Variants in ATF7 observed in about 807,000 individuals in gnomAD.
ATF7 encodes the protein activating transcription factor 7.
Under a neutral mutation model 50.4 loss-of-function variants are expected in ATF7, and 10 were observed. The observed-to-expected ratio is 0.20, with a 90% CI of 0.12 to 0.34. ATF7 has a LOEUF of 0.34. ATF7 is among the 10% of genes least tolerant of loss of function. The pLI, the probability that ATF7 is intolerant of heterozygous loss-of-function variation, is 1.00. For missense variants in ATF7, 465 were observed against 613.9 expected, an observed-to-expected ratio of 0.76 and a Z score of 2.56; for synonymous variants, 201 against 226.4, an observed-to-expected ratio of 0.89 and a Z score of 1.01.
chr12:53,551,192 C>CT (rs1215183036), intron 3 of ATF7, among the ~76,000 whole-genome samples: 2 of 152,172 alleles, frequency 1.3e-5, no homozygotes, highest in East Asian at 3.8e-4. Context: ...CAGGGTCTTG[C>CT]TTTGTAGTCT....
chr12:53,577,849 T>A (rs1169746033), intron 2 of ATF7, among the ~76,000 whole-genome samples: 1 of 150,106 alleles, frequency 6.7e-6, no homozygotes, highest in Non-Finnish European at 1.5e-5. Context: ...ATAAGAACAA[T>A]AAGCAGGCTA....
Position 53,618,714 on chromosome 12 carries a change from TG to T in ATF7, c.-22+7564del, listed in dbSNP as rs545048576. 1.0e-3 allele frequency among the ~76,000 whole-genome samples: 156 copies of T among 152,244 alleles called. 1 individual carries two copies. Among genetic ancestry groups the T allele is most frequent in the African/African-American group, 3.6e-3 (149 of 41,552 alleles). On this transcript the variant is annotated intron_variant, in intron 1 of 11. Transcript: ENST00000420353. Reference sequence around the variant, plus strand: ...ATTATAAATGGCAATTGTGTGTGTGTGTGTGTGTTTATAGTTGGTATAGGTT... The same window carrying T: ...ATTATAAATGGCAATTGTGTGTGTGTTGTGTGTTTATAGTTGGTATAGGTT...
intron 9 of ATF7, among the ~76,000 whole-genome samples, chr12:53,527,210 G>A (rs975207434): frequency 3.9e-5 from 6 of 151,914 alleles, no homozygotes; most frequent in Admixed American, 2.6e-4. Flanking sequence ...GAGGCCAGGC[G>A]CAGTGGCTTA....
At chr12:53,536,566 C>T (rs569750851) in intron 5 of ATF7, among the ~76,000 whole-genome samples, 2 of 151,586 alleles carry the variant, frequency 1.3e-5, no homozygotes, top group East Asian at 2.0e-4. Flanking sequence ...CATGAGCCAC[C>T]GTGCCTGACT....
At chr12:53,616,122 T>C (rs1565603757) in intron 1 of ATF7, among the ~76,000 whole-genome samples, 1 of 151,848 alleles carries the variant, frequency 6.6e-6, no homozygotes, top group Non-Finnish European at 1.5e-5. Context: ...GCAAGCTGGG[T>C]TTTGTGAGAA....
chr12:53,626,165 C>T, intron 1 of ATF7, 114 bp downstream of exon 1: 1 of 153,242 alleles, frequency 6.5e-6, no homozygotes, highest in Middle Eastern at 3.4e-3. Context: ...GCCTCAGCGC[C>T]CCCGTCCAAC....
chr12:53,560,253 C>G (rs904914644), intron 2 of ATF7, among the ~76,000 whole-genome samples: 18 of 151,804 alleles, frequency 1.2e-4, no homozygotes, highest in African/African-American at 4.1e-4. Context: ...TCAAGAGAGA[C>G]AGGTATTATA....
At chr12:53,530,275 T>C (rs985863330) in intron 9 of ATF7, among the ~76,000 whole-genome samples, 4 of 152,136 alleles carry the variant, frequency 2.6e-5, no homozygotes, top group African/African-American at 7.2e-5. Context: ...CATGAAATGT[T>C]TGGACATGTG....
At chr12:53,614,515 G>A (rs1409724554) in intron 1 of ATF7, among the ~76,000 whole-genome samples, 1 of 152,124 alleles carries the variant, frequency 6.6e-6, no homozygotes, top group African/African-American at 2.4e-5. Context: ...TAAACAGGCT[G>A]CAAAGAACAA....
At chr12:53,577,417 A>T (rs1473086293) in intron 2 of ATF7, among the ~76,000 whole-genome samples, 7 of 150,868 alleles carry the variant, frequency 4.6e-5, no homozygotes, top group Non-Finnish European at 8.8e-5. Flanking sequence ...ATAATAGGAG[A>T]AAGAAAGAAA....
chr12:53,577,043 G>A (rs901682521), intron 2 of ATF7, among the ~76,000 whole-genome samples: 3 of 152,164 alleles, frequency 2.0e-5, no homozygotes, highest in Non-Finnish European at 4.4e-5. Flanking sequence ...GTGACCAAGA[G>A]AGAATCTGTC....
chr12:53,541,536 C>T (rs1184862149), intron 4 of ATF7, among the ~76,000 whole-genome samples: 4 of 152,130 alleles, frequency 2.6e-5, no homozygotes, highest in Admixed American at 6.5e-5. Flanking sequence ...TATTTCCTCT[C>T]GTCTTCCAAA....
chr12:53,524,731 C>T lies in ATF7; in HGVS notation c.958G>A (p.Gly320Arg). The change falls in exon 10 of 12, where the codon GGG becomes AGG. Residue 320 changes from glycine to arginine, a missense_variant. By Grantham distance (125) the Gly-to-Arg change is moderately radical. Transcript: ENST00000420353. This position sits in a 1 kb window ranked among gnomAD's most constrained non-coding sequence, Gnocchi z 4.6. ...TCTACTGTGCGCCGCCGTCGCCCCC[C>T]AGTACTAGGGGTGGGCTGAGCTGGT... ...VSPAQPTPSTGGRRRRTVDED... is the reference protein window; with the variant it reads ...VSPAQPTPSTRGRRRRTVDED... The T allele has an allele frequency of 6.2e-7, 1 of 1,611,278 alleles. No homozygotes were observed. The highest frequency in any genetic ancestry group is 2.2e-5 in the East Asian group (1 of 44,844).
chr12:53,556,104 C>T (rs961819715), intron 2 of ATF7, among the ~76,000 whole-genome samples: 5 of 152,210 alleles, frequency 3.3e-5, no homozygotes, highest in Non-Finnish European at 7.3e-5. Flanking sequence ...GTGTGAGCCA[C>T]TGCACCCAGC....
At chr12:53,611,444 T>G (rs1337838399) in intron 1 of ATF7, among the ~76,000 whole-genome samples, 1 of 149,684 alleles carries the variant, frequency 6.7e-6, no homozygotes, top group East Asian at 2.2e-4. Context: ...AGAGCGAGAC[T>G]CTATCGCAAA....
intron 2 of ATF7, among the ~76,000 whole-genome samples, chr12:53,580,588 C>T (rs1258311081): frequency 1.4e-5 from 2 of 142,278 alleles, no homozygotes; most frequent in Non-Finnish European, 3.0e-5. Flanking sequence ...GGTGTGAACC[C>T]GGGAGGTGGA....
At chr12:53,596,083 C>G (rs1943138598) in intron 2 of ATF7, among the ~76,000 whole-genome samples, 1 of 152,050 alleles carries the variant, frequency 6.6e-6, no homozygotes, top group South Asian at 2.1e-4. Context: ...CAGATCACCT[C>G]CAGTCAGGAG....
chr12:53,606,754 C>T (rs1377997236), intron 1 of ATF7, among the ~76,000 whole-genome samples: 1 of 141,410 alleles, frequency 7.1e-6, no homozygotes, highest in African/African-American at 2.6e-5. Context: ...TGATGTTCCC[C>T]TTCCTGTGTC....
At chr12:53,530,054 A>T (rs1938773344) in intron 9 of ATF7, among the ~76,000 whole-genome samples, 1 of 152,110 alleles carries the variant, frequency 6.6e-6, no homozygotes, top group South Asian at 2.1e-4. Context: ...TTTATAATAC[A>T]AATTTTAAAA....
Sources: gnomAD v4.1 joint callset for allele counts (sites outside exome capture counted in the v4.1 genomes callset) on GRCh38, gnomAD v4.1.1 for gene constraint, Gnocchi (gnomAD v3.1) non-coding constraint, MANE v1.5 for transcripts, NCBI Gene and HGNC (gene_info 2026-07-23, HGNC 2026-07-21) for gene names.